The following KLK9 variants were observed in gnomAD, a reference collection of about 807,000 sequenced individuals.
KLK9 encodes kallikrein-9.
In KLK9, 26 loss-of-function variants were observed where a neutral mutation model predicts 23.3. The observed-to-expected ratio is 1.12, with a 90% CI of 0.82 to 1.55. The LOEUF is 1.55. Among genes scored for constraint, KLK9 ranks in the 40% most tolerant of loss-of-function variants. KLK9 has a pLI of 0.00. For synonymous variants in KLK9, 122 were observed against 128.5 expected (o/e 0.95, Z 0.34); for missense variants, 346 against 333.7 (o/e 1.04, Z -0.29).
chr19:51,005,351 G>C (rs1224429045), intron 3 of KLK9, among the ~76,000 whole-genome samples: 2 of 152,042 alleles, frequency 1.3e-5, no homozygotes, highest in African/African-American at 4.8e-5. Flanking sequence ...TTTGAGACTA[G>C]CCTGGACAAC....
In KLK9 at chr19:51,003,776, C is replaced by T; in HGVS notation, c.531G>A (p.Trp177Ter). Residue 177 changes from tryptophan to a stop codon, truncating the protein, a stop_gained, in exon 4 of 5, where the codon TGG (tryptophan) becomes TGA (stop). Transcript: ENST00000594211. LOFTEE classifies it high-confidence loss of function. ...ISILENKLCH[W>*]AYPGHISDSM... The stretch of plus-strand genomic sequence containing the variant: ...TGTCCGAGATGTGTCCAGGGTATGC[C>T]CAGTGACAGAGTTTGTTCTCCAGGA... The T allele has an allele frequency of 6.2e-7, 1 of 1,613,314 alleles. No individual in the cohort carries two copies. Among genetic ancestry groups the T allele is most frequent in the Non-Finnish European group, 8.5e-7 (1 of 1,179,272 alleles).
intron 4 of KLK9, 71 bp from the exon 5 acceptor site, chr19:51,003,331 C>T: frequency 1.3e-6 from 2 of 1,492,092 alleles, no homozygotes; most frequent in Middle Eastern, 1.8e-4. Context: ...GCCACTTCCT[C>T]CCTCCCAGAA....
chr19:51,003,281 G>C, intron 4 of KLK9, 21 bp from the exon 5 acceptor site: 1 of 1,606,328 alleles, frequency 6.2e-7, no homozygotes, highest in East Asian at 2.2e-5. Flanking sequence ...GAGAAGGGCA[G>C]AGGAACTGTT....
At chr19:51,004,077 A>C (rs1172165213) in intron 3 of KLK9, among the ~76,000 whole-genome samples, 1 of 152,112 alleles carries the variant, frequency 6.6e-6, no homozygotes, top group African/African-American at 2.4e-5. Flanking sequence ...ACCGTGGCTC[A>C]TGCCTGTAAT....
intron 2 of KLK9, among the ~76,000 whole-genome samples, chr19:51,008,830 G>T (rs902517671): frequency 2.0e-5 from 3 of 152,094 alleles, no homozygotes; most frequent in Non-Finnish European, 4.4e-5. Context: ...ATTCCTCTGG[G>T]CAGTGCTGAC....
Position 51,006,365 on chromosome 19 carries a change from A to G in KLK9, c.466+93T>C, listed in dbSNP as rs1016808464. 1.3e-5 allele frequency: 16 copies of G among 1,193,886 alleles called. No homozygotes were observed. The highest frequency in any genetic ancestry group is 1.5e-5 in the African/African-American group (1 of 65,032). The allele number at this position is 1,193,886 out of a possible 1,614,324, so 74.0% of individuals were successfully genotyped here. On this transcript the variant is annotated intron_variant, in intron 3 of 4. Transcript: ENST00000594211. This position sits in a 1 kb window ranked among gnomAD's most constrained non-coding sequence, Gnocchi z 4.1. The stretch of plus-strand genomic sequence containing the variant: ...CAGATAGATAGACTGACAGAGAGAG[A>G]GAGGAGAGAGAAAAGGAGAAGACAG...
Position 51,003,148 on chromosome 19 carries a change from T to TGGC in KLK9, c.713_715dup (p.Cys238_His239insArg). ...GATTTCTTGGATCCAGTCAAGGTAG[T>TGGC]GGCATACGCTGGTGTAGACTGCGGG... is the stretch of plus-strand genomic sequence containing the variant. On this transcript the variant is annotated inframe_insertion, in exon 5 of 5. Transcript: ENST00000594211. The TGGC allele has an allele frequency of 6.2e-7, 1 of 1,612,320 alleles. No homozygotes were observed. Among genetic ancestry groups the TGGC allele is most frequent in the Non-Finnish European group, 8.5e-7 (1 of 1,179,512 alleles).
At chr19:51,007,320 C>A (rs1025218167) in intron 2 of KLK9, among the ~76,000 whole-genome samples, 1 of 151,902 alleles carries the variant, frequency 6.6e-6, no homozygotes, top group African/African-American at 2.4e-5. Context: ...TCTCAGCGCA[C>A]TTGTTTCATT....
intron 3 of KLK9, among the ~76,000 whole-genome samples, chr19:51,004,524 C>T (rs2091248396): frequency 6.7e-6 from 1 of 150,250 alleles, no homozygotes; most frequent in Admixed American, 6.6e-5. Flanking sequence ...CATGGTGAAA[C>T]TCCGTCTCTA....
In KLK9 at chr19:51,009,007, G is replaced by A. The variant is rs2091266047; in HGVS notation, c.200+176C>T. ...GTTTCGAATCTTAGACTTCTCAAAT[G>A]AGATATTGCTGGTCTCTAGAATTTT... is the stretch of plus-strand genomic sequence containing the variant. On this transcript the variant is annotated intron_variant, in intron 2 of 4. Transcript: ENST00000594211. The surrounding 1 kb of genome is among the most constrained non-coding windows in gnomAD (Gnocchi z 4.8). Among the ~76,000 whole-genome samples the A allele has an allele frequency of 6.6e-6, 1 of 152,218 alleles. No individual in the cohort carries two copies. Among genetic ancestry groups the A allele is most frequent in the Admixed American group, 6.5e-5 (1 of 15,270 alleles).
At chr19:51,005,118 C>G (rs912337229) in intron 3 of KLK9, among the ~76,000 whole-genome samples, 2 of 152,182 alleles carry the variant, frequency 1.3e-5, no homozygotes, top group Non-Finnish European at 1.5e-5. Context: ...ATCCAGAAAC[C>G]TGGCTTTTGT....
intron 4 of KLK9, 130 bp from the exon 5 acceptor site, chr19:51,003,390 G>T: frequency 9.7e-7 from 1 of 1,026,142 alleles, no homozygotes; most frequent in Non-Finnish European, 1.4e-6. Context: ...TCCATCTCCA[G>T]CCTCTTCTTC....
At chr19:51,005,154 T>C (rs1039344612) in intron 3 of KLK9, among the ~76,000 whole-genome samples, 1 of 152,238 alleles carries the variant, frequency 6.6e-6, no homozygotes, top group Non-Finnish European at 1.5e-5. Context: ...TTTTAGATAT[T>C]GGCAGCAACA....
In KLK9 at chr19:51,003,195, C is replaced by T. The variant is rs2091241508; in HGVS notation, c.669G>A (p.Glu223=). The T allele has an allele frequency of 6.2e-7, 1 of 1,613,088 alleles. No individual in the cohort carries two copies. Among genetic ancestry groups the T allele is most frequent in the Non-Finnish European group, 8.5e-7 (1 of 1,179,714 alleles). The change falls in exon 5 of 5, where the codon GAG becomes GAA. Residue 223 remains glutamate, a synonymous_variant. Coordinates refer to ENST00000594211, the MANE Select transcript of KLK9 (RefSeq NM_012315.2). ...CGGGGCGCCGGGGTCTGGAGCAGGGCTCAGCACCCCCAGACACCACGCCTG... is the reference window on the plus strand; with the variant it reads ...CGGGGCGCCGGGGTCTGGAGCAGGGTTCAGCACCCCCAGACACCACGCCTG... ...TLAGVVSGGA[E]PCSRPRRPAV...
At chr19:51,005,362 A>G (rs1309308215) in intron 3 of KLK9, among the ~76,000 whole-genome samples, 1 of 152,218 alleles carries the variant, frequency 6.6e-6, no homozygotes, top group Admixed American at 6.5e-5. Flanking sequence ...CCTGGACAAC[A>G]TAGCAAGACC....
At chr19:51,005,786 A>G (rs1219796664) in intron 3 of KLK9, among the ~76,000 whole-genome samples, 1 of 151,592 alleles carries the variant, frequency 6.6e-6, no homozygotes, top group Admixed American at 6.6e-5. Flanking sequence ...TTTAAAAAAG[A>G]CTAGAATTTT....
At chr19:51,008,099 G>A (rs1420217615) in intron 2 of KLK9, among the ~76,000 whole-genome samples, 2 of 151,312 alleles carry the variant, frequency 1.3e-5, no homozygotes, top group South Asian at 2.1e-4. Flanking sequence ...GGGAGGCCGA[G>A]GCGGGCAGAT....
At chr19:51,003,633 G>C (rs1568558199) in intron 4 of KLK9, 71 bp downstream of exon 4, 8 of 1,365,610 alleles carry the variant, frequency 5.9e-6, no homozygotes, top group Non-Finnish European at 7.1e-6. Context: ...GCTGGGGGCC[G>C]ACCCCTCTGC....
At chr19:51,003,333 C>G (rs923787361) in intron 4 of KLK9, 73 bp from the exon 5 acceptor site, 1 of 1,485,640 alleles carries the variant, frequency 6.7e-7, no homozygotes. Flanking sequence ...CACTTCCTCC[C>G]TCCCAGAAAG....
Sources: gnomAD v4.1 joint callset for allele counts (sites outside exome capture counted in the v4.1 genomes callset) on GRCh38, gnomAD v4.1.1 for gene constraint, Gnocchi (gnomAD v3.1) non-coding constraint, MANE v1.5 for transcripts, NCBI Gene and HGNC (gene_info 2026-07-23, HGNC 2026-07-21) for gene names.